The following KCNH5 variants were observed in gnomAD, a reference collection of about 807,000 sequenced individuals.
KCNH5 encodes potassium voltage-gated channel subfamily H member 5.
A neutral mutation model predicts 96.1 loss-of-function variants in KCNH5; 46 were observed. That is an observed-to-expected ratio of 0.48 (90% CI 0.38 to 0.61). The LOEUF (loss-of-function observed/expected upper bound fraction) is 0.61. Among genes scored for constraint, KCNH5 ranks in the 20% least tolerant of loss-of-function variants. The pLI is 0.00. For missense variants in KCNH5, 907 were observed against 1,225.8 expected, an observed-to-expected ratio of 0.74 and a Z score of 3.88; for synonymous variants, 439 against 449.8, an observed-to-expected ratio of 0.98 and a Z score of 0.30.
chr14:63,012,033 A>G (rs912705404), intron 2 of KCNH5, among the ~76,000 whole-genome samples: 1 of 152,202 alleles, frequency 6.6e-6, no homozygotes, highest in East Asian at 1.9e-4. Context: ...TATCCAAAAC[A>G]AAAACAAAAA....
intron 9 of KCNH5, among the ~76,000 whole-genome samples, chr14:62,785,204 T>C (rs928364842): frequency 6.6e-6 from 1 of 152,128 alleles, no homozygotes; most frequent in Non-Finnish European, 1.5e-5. Context: ...TGGTCATCTT[T>C]TAAAAAAATT....
intron 6 of KCNH5, among the ~76,000 whole-genome samples, chr14:62,977,072 T>C (rs745645025): frequency 2.6e-5 from 4 of 152,148 alleles, no homozygotes; most frequent in Non-Finnish European, 5.9e-5. Context: ...TTTGCAGTCA[T>C]AACAATATCA....
intron 1 of KCNH5, among the ~76,000 whole-genome samples, chr14:63,027,200 A>G (rs148529159): frequency 6.6e-6 from 1 of 152,100 alleles, no homozygotes; most frequent in Non-Finnish European, 1.5e-5. Context: ...AAGGGTGGGG[A>G]CATTGGGGAG....
intron 10 of KCNH5, among the ~76,000 whole-genome samples, chr14:62,717,533 T>C (rs1884710919): frequency 6.6e-6 from 1 of 152,200 alleles, no homozygotes; most frequent in Non-Finnish European, 1.5e-5. Context: ...AATTCAATGA[T>C]GTCTTAAAGA....
chr14:62,843,729 C>CA (rs1416186351), intron 8 of KCNH5, among the ~76,000 whole-genome samples: 1 of 152,104 alleles, frequency 6.6e-6, no homozygotes, highest in African/African-American at 2.4e-5. Context: ...CTTTTAAATA[C>CA]AGCACATTTG....
intron 8 of KCNH5, among the ~76,000 whole-genome samples, chr14:62,807,338 G>C (rs1447590084): frequency 1.3e-5 from 2 of 152,038 alleles, no homozygotes; most frequent in African/African-American, 4.8e-5. Context: ...CTATATATAT[G>C]TTGTATGTAA....
chr14:62,816,193 A>T (rs1886974295), intron 8 of KCNH5, among the ~76,000 whole-genome samples: 1 of 151,982 alleles, frequency 6.6e-6, no homozygotes, highest in Non-Finnish European at 1.5e-5. Flanking sequence ...AAACAAGATA[A>T]AACAAAATAT....
chr14:62,859,226 T>G (rs1483175243), intron 7 of KCNH5, among the ~76,000 whole-genome samples: 1 of 152,102 alleles, frequency 6.6e-6, no homozygotes, highest in Non-Finnish European at 1.5e-5. Flanking sequence ...AGAGTAATGG[T>G]GCCATATCGA....
intron 7 of KCNH5, among the ~76,000 whole-genome samples, chr14:62,938,055 T>C (rs1321288574): frequency 6.6e-6 from 1 of 152,170 alleles, no homozygotes; most frequent in South Asian, 2.1e-4. Context: ...CTGCCTCCTT[T>C]GCTGATGCCT....
intron 8 of KCNH5, among the ~76,000 whole-genome samples, chr14:62,832,127 T>G (rs951374398): frequency 2.0e-5 from 3 of 152,232 alleles, no homozygotes; most frequent in African/African-American, 4.8e-5. Flanking sequence ...ATATATTATT[T>G]TTTTAAATTA....
intron 7 of KCNH5, among the ~76,000 whole-genome samples, chr14:62,920,302 G>A (rs988560577): frequency 6.6e-6 from 1 of 152,062 alleles, no homozygotes; most frequent in African/African-American, 2.4e-5. Flanking sequence ...AGCCCCCAGA[G>A]AAGAGTTTAC....
intron 10 of KCNH5, among the ~76,000 whole-genome samples, chr14:62,762,352 C>T (rs1405267208): frequency 6.6e-6 from 1 of 152,142 alleles, no homozygotes; most frequent in Non-Finnish European, 1.5e-5. Flanking sequence ...TGCAGCACAG[C>T]CTTGAATGCC....
rs1262478212 is a variant in KCNH5, at chr14:62,710,452, C to T, written c.2020-1997G>A. Among the ~76,000 whole-genome samples the T allele has an allele frequency of 2.0e-5, 3 of 152,322 alleles. No individual in the cohort carries two copies. The East Asian group carries it at 5.8e-4, about 29-fold the overall frequency. On this transcript the variant is annotated intron_variant, in intron 10 of 10. Transcript: ENST00000322893. ...GCTTCCCAAGTAAACATAGGTTGTACTAAGTCTTCAAGATATGAACATTCT... is the reference window on the plus strand; with the variant it reads ...GCTTCCCAAGTAAACATAGGTTGTATTAAGTCTTCAAGATATGAACATTCT...
chr14:62,950,194 T>G lies in KCNH5; in HGVS notation c.1308A>C (p.Gly436=), dbSNP rs1380096543. The G allele has an allele frequency of 6.2e-7, 1 of 1,613,804 alleles. No individual in the cohort carries two copies. Among genetic ancestry groups the G allele is most frequent in the East Asian group, 2.2e-5 (1 of 44,878 alleles). Residue 436 remains glycine (G), a synonymous_variant, in exon 7 of 11, where the codon GGA becomes GGC. Coordinates refer to ENST00000322893, the MANE Select transcript of KCNH5 (RefSeq NM_139318.5). ...CCACATCTGTGGTAGGAGCTATGTT[T>G]CCAAATCCTATGGTTGTAAGGCTTG... ...TMTSLTTIGF[G]NIAPTTDVEK...
intron 8 of KCNH5, among the ~76,000 whole-genome samples, chr14:62,805,447 A>G (rs1886747375): frequency 6.6e-6 from 1 of 152,234 alleles, no homozygotes; most frequent in African/African-American, 2.4e-5. Context: ...AAAAAGATCA[A>G]CCAAAGTCAC....
intron 10 of KCNH5, among the ~76,000 whole-genome samples, chr14:62,764,691 TA>T (rs956451992): frequency 6.6e-6 from 1 of 152,160 alleles, no homozygotes; most frequent in Non-Finnish European, 1.5e-5. Flanking sequence ...AGAATCGATA[TA>T]AAAAAATCAG....
At chr14:62,776,175 G>A (rs894564601) in intron 10 of KCNH5, among the ~76,000 whole-genome samples, 1 of 152,016 alleles carries the variant, frequency 6.6e-6, no homozygotes, top group Non-Finnish European at 1.5e-5. Flanking sequence ...GCTAAGGCAG[G>A]AGAATCACTT....
intron 10 of KCNH5, among the ~76,000 whole-genome samples, chr14:62,777,032 C>T (rs910335538): frequency 6.6e-6 from 1 of 152,056 alleles, no homozygotes; most frequent in African/African-American, 2.4e-5. Context: ...TATGAGATAT[C>T]AATAGCATAC....
At chr14:62,814,564 G>T (rs1886935544) in intron 8 of KCNH5, among the ~76,000 whole-genome samples, 1 of 151,750 alleles carries the variant, frequency 6.6e-6, no homozygotes, top group Admixed American at 6.6e-5. Context: ...TTAAAAGAAT[G>T]AGCCAGTCAG....
Sources: allele counts gnomAD v4.1 joint callset (sites outside exome capture counted in the v4.1 genomes callset), GRCh38; gene constraint gnomAD v4.1.1; transcripts MANE v1.5; gene names NCBI Gene and HGNC (gene_info 2026-07-23, HGNC 2026-07-21).